OLFML2B: variants seen among roughly 807,000 people sequenced by gnomAD.
OLFML2B encodes olfactomedin like 2B, also known as olfactomedin-like protein 2B.
In OLFML2B, 57 loss-of-function variants were observed where a neutral mutation model predicts 74.9. That is an observed-to-expected ratio of 0.76 (90% CI 0.61 to 0.95). The LOEUF (loss-of-function observed/expected upper bound fraction) is 0.95. Among genes scored for constraint, OLFML2B ranks in the 40% least tolerant of loss-of-function variants. The probability of loss-of-function intolerance (pLI) is 0.00; values close to 1 mark genes in which losing one functional copy is unlikely to be tolerated. For missense variants in OLFML2B, 986 were observed against 970.6 expected (o/e 1.02, Z -0.21); for synonymous variants, 388 against 405.8 (o/e 0.96, Z 0.53).
intron 3 of OLFML2B, among the ~76,000 whole-genome samples, 159 bp from the exon 4 acceptor site, chr1:162,006,632 G>A (rs1436026512): frequency 3.3e-5 from 5 of 152,096 alleles, no homozygotes; most frequent in South Asian, 2.1e-4. Context: ...GCCCTGGGCT[G>A]AGCACCGGTA....
chr1:162,017,333 T>C, intron 3 of OLFML2B, 67 bp downstream of exon 3: 1 of 1,196,908 alleles, frequency 8.4e-7, no homozygotes, highest in Non-Finnish European at 1.2e-6. Flanking sequence ...GAAAATTTAC[T>C]GTGGGACGTT....
intron 5 of OLFML2B, among the ~76,000 whole-genome samples, chr1:161,999,374 A>C (rs1690018903): frequency 6.6e-6 from 1 of 151,870 alleles, no homozygotes; most frequent in South Asian, 2.1e-4. Flanking sequence ...TCAATGACAC[A>C]AAAAAAATGA....
intron 6 of OLFML2B, among the ~76,000 whole-genome samples, chr1:161,989,100 G>A (rs1044814335): frequency 3.3e-5 from 5 of 152,168 alleles, no homozygotes; most frequent in Non-Finnish European, 4.4e-5. Context: ...CTCCAATTGC[G>A]CCAGTTTGTC....
Position 161,983,910 on chromosome 1 carries a change from T to C in OLFML2B, c.2018A>G (p.Tyr673Cys), listed in dbSNP as rs768278631. ...CCCACAGATGACGAAGCAGTTGCCGTAGAAATTCCTCCGGAGCCCCGTGCG... is the reference window on the plus strand; with the variant it reads ...CCCACAGATGACGAAGCAGTTGCCGCAGAAATTCCTCCGGAGCCCCGTGCG... Reference protein sequence around the residue: ...TWRTGLRRNFYGNCFVICGVL... With the variant: ...TWRTGLRRNFCGNCFVICGVL... Residue 673 changes from tyrosine to cysteine, a missense_variant, in exon 8 of 8, where the codon TAC becomes TGC. Coordinates refer to ENST00000294794, the MANE Select transcript of OLFML2B (RefSeq NM_015441.3). 1.1e-5 allele frequency: 17 copies of C among 1,614,086 alleles called. No individual in the cohort carries two copies. The highest frequency in any genetic ancestry group is 2.2e-5 in the East Asian group (1 of 44,896).
At chr1:162,006,268 T>C in intron 4 of OLFML2B, 29 bp downstream of exon 4, 2 of 1,522,132 alleles carry the variant, frequency 1.3e-6, no homozygotes, top group Non-Finnish European at 1.8e-6. Context: ...GGGCTTGTGA[T>C]CAGAGGCCCT....
chr1:162,003,317 G>T (rs959620962), intron 4 of OLFML2B, among the ~76,000 whole-genome samples: 2 of 152,224 alleles, frequency 1.3e-5, no homozygotes, highest in African/African-American at 4.8e-5. Context: ...CTCAGACGCT[G>T]AACGGCATCT....
At chr1:161,995,211 T>C (rs1214966716) in intron 6 of OLFML2B, among the ~76,000 whole-genome samples, 4 of 146,126 alleles carry the variant, frequency 2.7e-5, no homozygotes, top group African/African-American at 7.7e-5. Context: ...AGCTAGACAA[T>C]GCCTAGACAG....
chr1:162,019,781 C>T (rs1690644030), intron 2 of OLFML2B, 138 bp downstream of exon 2: 4 of 1,129,178 alleles, frequency 3.5e-6, no homozygotes, highest in Non-Finnish European at 4.9e-6. Flanking sequence ...GGACATCAAC[C>T]TTGATCCACA....
intron 4 of OLFML2B, among the ~76,000 whole-genome samples, chr1:162,004,433 G>A (rs551138408): frequency 6.6e-6 from 1 of 152,312 alleles, no homozygotes; most frequent in African/African-American, 2.4e-5. Flanking sequence ...GTCATCATGG[G>A]CAAAGCCAGA....
rs1396635486 is a variant in OLFML2B, at chr1:162,006,371, T to C, written c.649A>G (p.Asn217Asp). 1.2e-6 allele frequency: 2 copies of C among 1,613,240 alleles called. No individual in the cohort carries two copies. Among genetic ancestry groups the C allele is most frequent in the Non-Finnish European group, 1.7e-6 (2 of 1,179,750 alleles). The change falls in exon 4 of 8, where the codon AAC becomes GAC. Residue 217 changes from asparagine to aspartate, a missense_variant. Physicochemically the swap from Asn to Asp is conservative, Grantham distance 23. Coordinates refer to ENST00000294794, the MANE Select transcript of OLFML2B (RefSeq NM_015441.3). ...NKRGKENCSE[N>D]ILDSMPDIRS... ...ATGTCTGGCATGCTATCTAGGATGTTTTCAGAGCAATTTTCTTTGCCTCGC... is the reference window on the plus strand; with the variant it reads ...ATGTCTGGCATGCTATCTAGGATGTCTTCAGAGCAATTTTCTTTGCCTCGC...
At chr1:162,003,135 C>T (rs1190920560) in intron 4 of OLFML2B, among the ~76,000 whole-genome samples, 3 of 152,184 alleles carry the variant, frequency 2.0e-5, no homozygotes, top group African/African-American at 7.2e-5. Flanking sequence ...TAAGCCTCTG[C>T]CTGCAGCTGT....
intron 3 of OLFML2B, among the ~76,000 whole-genome samples, chr1:162,011,034 C>T (rs938320270): frequency 4.6e-5 from 7 of 152,066 alleles, no homozygotes; most frequent in Non-Finnish European, 7.4e-5. Context: ...GAAAGGGAAG[C>T]CAGGGTTTGG....
chr1:162,015,230 C>T (rs1021922913), intron 3 of OLFML2B, among the ~76,000 whole-genome samples: 3 of 152,050 alleles, frequency 2.0e-5, no homozygotes, highest in African/African-American at 4.8e-5. Flanking sequence ...TTTGCAAAAA[C>T]GAGGTTACTG....
chr1:161,987,557 G>A lies in OLFML2B; in HGVS notation c.1475-2577C>T, dbSNP rs143142607. On this transcript the variant is annotated intron_variant, in intron 6 of 7. Coordinates refer to ENST00000294794, the MANE Select transcript of OLFML2B (RefSeq NM_015441.3). ...TGAGAAGCTGGAAAAGGCAAGAAACGGATTCTCCCCTCAAGCCTCTGGAAA... is the reference window on the plus strand; with the variant it reads ...TGAGAAGCTGGAAAAGGCAAGAAACAGATTCTCCCCTCAAGCCTCTGGAAA... 2.9e-4 allele frequency among the ~76,000 whole-genome samples: 44 copies of A among 152,238 alleles called. No individual in the cohort carries two copies. The East Asian group carries it at 7.3e-3, about 25-fold the overall frequency.
intron 6 of OLFML2B, among the ~76,000 whole-genome samples, chr1:161,991,473 A>C (rs1689741272): frequency 6.6e-6 from 1 of 152,156 alleles, no homozygotes; most frequent in Admixed American, 6.5e-5. Context: ...GGTGGCTCAC[A>C]CCTGTAATCC....
rs565844447 is a variant in OLFML2B, at chr1:161,984,876, G to A, written c.1579C>T (p.Arg527Trp). 6.2e-6 allele frequency: 10 copies of A among 1,612,584 alleles called. No individual in the cohort carries two copies. Among genetic ancestry groups the A allele is most frequent in the South Asian group, 4.4e-5 (4 of 90,966 alleles). ...WMKDPLAKDE[R>W]IYVTNYYYGN... ...TAGTAATAGTTGGTTACGTAAATCC[G>A]CTCATCCTTGGCCAGGGGGTCCTTC... Residue 527 changes from arginine (R) to tryptophan (W), a missense_variant, in exon 7 of 8, where the codon CGG (arginine) becomes TGG (tryptophan). Transcript: ENST00000294794.
intron 6 of OLFML2B, among the ~76,000 whole-genome samples, chr1:161,992,160 A>G (rs897842030): frequency 6.6e-6 from 1 of 152,238 alleles, no homozygotes; most frequent in Non-Finnish European, 1.5e-5. Flanking sequence ...AGCACTTGCT[A>G]TTTCACTTGC....
chr1:162,003,017 T>C (rs1169634570), intron 4 of OLFML2B, among the ~76,000 whole-genome samples: 1 of 152,064 alleles, frequency 6.6e-6, no homozygotes, highest in Non-Finnish European at 1.5e-5. Flanking sequence ...CGTTCAGCAA[T>C]TTGGTTGAAA....
intron 6 of OLFML2B, among the ~76,000 whole-genome samples, chr1:161,992,189 C>A (rs550141383): frequency 6.6e-6 from 1 of 152,356 alleles, no homozygotes; most frequent in East Asian, 1.9e-4. Context: ...ATTATGGAGA[C>A]AACTTCTTTC....
Sources: gnomAD v4.1 joint callset for allele counts (sites outside exome capture counted in the v4.1 genomes callset) on GRCh38, gnomAD v4.1.1 for gene constraint, MANE v1.5 for transcripts, NCBI Gene and HGNC (gene_info 2026-07-23, HGNC 2026-07-21) for gene names.